Variants in ATP2C1 observed in about 807,000 individuals in gnomAD.
ATP2C1 encodes the protein ATPase secretory pathway Ca2+ transporting 1.
Under a neutral mutation model 120.5 loss-of-function variants are expected in ATP2C1, and 31 were observed. That is an observed-to-expected ratio of 0.26 (90% CI 0.19 to 0.35). ATP2C1 has a LOEUF of 0.35. Ranked by LOEUF, ATP2C1 falls within the 10% of genes least tolerant of loss-of-function variation. The pLI, the probability that ATP2C1 is intolerant of heterozygous loss-of-function variation, is 1.00. For missense variants in ATP2C1, 731 were observed against 1,107.5 expected (o/e 0.66, Z 4.83); for synonymous variants, 351 against 358.7 (o/e 0.98, Z 0.24).
At chr3:130,875,642 C>G (rs1439435986) in intron 1 of ATP2C1, among the ~76,000 whole-genome samples, 3 of 151,926 alleles carry the variant, frequency 2.0e-5, no homozygotes, top group African/African-American at 7.2e-5. Flanking sequence ...GGATAGGTAC[C>G]CGGTAGTGCT....
In ATP2C1 at chr3:130,937,440, G is replaced by A. The variant is rs142366167; in HGVS notation, c.337G>A (p.Val113Ile). Residue 113 changes from valine to isoleucine, a missense_variant, in exon 6 of 28, where the codon GTT (valine) becomes ATT (isoleucine). Physicochemically the swap from Val to Ile is conservative, Grantham distance 29. Coordinates refer to ENST00000510168, the MANE Select transcript of ATP2C1 (RefSeq NM_001378687.1). ...AVSITVAILI[V>I]VTVAFVQEYR... ...TTCTTTTGTTTAGGCAATACTTATC[G>A]TTGTTACAGTTGCCTTTGTTCAGGT... is the stretch of plus-strand genomic sequence containing the variant. 6.2e-7 allele frequency: 1 copy of A among 1,613,650 alleles called. No homozygotes were observed.
chr3:130,925,354 T>C (rs903276856), intron 2 of ATP2C1, among the ~76,000 whole-genome samples: 5 of 152,218 alleles, frequency 3.3e-5, no homozygotes, highest in African/African-American at 9.6e-5. Flanking sequence ...CTTCTGGGTC[T>C]AGCCACCCAG....
intron 2 of ATP2C1, chr3:130,918,451 C>G: frequency 2.3e-6 from 2 of 859,466 alleles, no homozygotes; most frequent in Non-Finnish European, 4.0e-6. Flanking sequence ...GAACACTTCT[C>G]AGCACCTCTG....
At chr3:130,918,300 A>G (rs2108218175) in intron 2 of ATP2C1, 1 of 1,558,248 alleles carries the variant, frequency 6.4e-7, no homozygotes, top group Non-Finnish European at 8.8e-7. Flanking sequence ...CACCCTTTAC[A>G]ATAGATTTCA....
intron 27 of ATP2C1, 39 bp from the exon 28 acceptor site, chr3:131,001,181 T>C: frequency 6.3e-7 from 1 of 1,588,588 alleles, no homozygotes; most frequent in Middle Eastern, 1.7e-4. Context: ...AACTGTAAGT[T>C]TCAAAGAAAT....
chr3:130,954,423 A>G (rs1006317185), intron 9 of ATP2C1, among the ~76,000 whole-genome samples: 14 of 152,332 alleles, frequency 9.2e-5, no homozygotes, highest in Non-Finnish European at 1.6e-4. Flanking sequence ...CCTATTGAGT[A>G]TAATACATGT....
At chr3:130,995,357 G>A (rs2062562076) in intron 22 of ATP2C1, among the ~76,000 whole-genome samples, 1 of 151,670 alleles carries the variant, frequency 6.6e-6, no homozygotes, top group Non-Finnish European at 1.5e-5. Context: ...GAGGCTGCAG[G>A]TAAGTCAAGG....
chr3:130,954,525 G>A (rs218493), intron 9 of ATP2C1, among the ~76,000 whole-genome samples: 68,311 of 151,976 alleles, frequency 0.45, 18,196 homozygotes, highest in Middle Eastern at 0.63. Flanking sequence ...TCACTTTGTC[G>A]TCCAGGCTGG....
chr3:130,936,130 T>C (rs959433870), intron 5 of ATP2C1, among the ~76,000 whole-genome samples: 2 of 152,188 alleles, frequency 1.3e-5, no homozygotes, highest in African/African-American at 4.8e-5. Context: ...TTGTATGCAC[T>C]CTTATGGGCT....
Position 131,001,324 on chromosome 3 carries a change from ACAT to A in ATP2C1, c.2742_2744del (p.Ser915del), listed in dbSNP as rs1348352000. The A allele has an allele frequency of 1.9e-6, 3 of 1,613,554 alleles. No homozygotes were observed. The highest frequency in any genetic ancestry group is 1.7e-5 in the Admixed American group (1 of 59,996). On this transcript the variant is annotated inframe_deletion, in exon 28 of 28. Transcript: ENST00000510168. ...AAAGATCCAGAAGCATGTTAGTTCG[ACAT>A]CATCATCTTTTCTTGAAGTATGATG... is the stretch of plus-strand genomic sequence containing the variant.
intron 26 of ATP2C1, chr3:131,014,035 C>G (rs2063452496): frequency 2.7e-6 from 4 of 1,487,388 alleles, no homozygotes; most frequent in Non-Finnish European, 3.6e-6. Context: ...TTAAATACAT[C>G]TAGTTTGATG....
intron 1 of ATP2C1, among the ~76,000 whole-genome samples, chr3:130,888,905 C>A (rs1251584688): frequency 6.6e-6 from 1 of 152,214 alleles, no homozygotes; most frequent in African/African-American, 2.4e-5. Context: ...ATCAATGGTA[C>A]AGGCTTCTAT....
chr3:130,954,571 C>A, intron 9 of ATP2C1, among the ~76,000 whole-genome samples: 1 of 152,092 alleles, frequency 6.6e-6, no homozygotes, highest in East Asian at 1.9e-4. Flanking sequence ...CTACAACCTT[C>A]ACCTTCCAGG....
chr3:130,892,257 T>G (rs2069198252), upstream of ATP2C1, among the ~76,000 whole-genome samples: 2 of 152,250 alleles, frequency 1.3e-5, no homozygotes, highest in Admixed American at 1.3e-4. Context: ...TATGTTAATA[T>G]CAAAGTATTT....
At chr3:130,976,032 C>T (rs374734048) in intron 18 of ATP2C1, among the ~76,000 whole-genome samples, 5 of 152,036 alleles carry the variant, frequency 3.3e-5, no homozygotes, top group East Asian at 3.9e-4. Flanking sequence ...GTGTAAGACT[C>T]GGGGGTTGGT....
intron 18 of ATP2C1, 117 bp downstream of exon 18, chr3:130,975,605 C>G: frequency 8.1e-7 from 1 of 1,234,390 alleles, no homozygotes; most frequent in South Asian, 1.3e-5. Flanking sequence ...TTGTAGAACC[C>G]TTGCCAGTAT....
Position 130,930,521 on chromosome 3 carries a change from C to G in ATP2C1, c.112C>G (p.Leu38Val), listed in dbSNP as rs762674593. Residue 38 changes from leucine (L) to valine (V), a missense_variant, in exon 3 of 28, where the codon CTC becomes GTC. Around this residue, in one of 3 missense-constraint regions of ATP2C1, gnomAD observed 571 missense variants for 845.9 expected, o/e 0.67. Transcript: ENST00000510168. ...ELPVSEVASI[L>V]QADLQNGLNK... Reference sequence around the variant, plus strand: ...ACCAGTCAGTGAAGTTGCAAGCATTCTCCAAGTAAGTGGTTAGTGGGGAGG... The same window carrying G: ...ACCAGTCAGTGAAGTTGCAAGCATTGTCCAAGTAAGTGGTTAGTGGGGAGG... 1.9e-6 allele frequency: 3 copies of G among 1,600,796 alleles called. No individual in the cohort carries two copies. Among genetic ancestry groups the G allele is most frequent in the Non-Finnish European group, 2.6e-6 (3 of 1,167,980 alleles).
intron 17 of ATP2C1, among the ~76,000 whole-genome samples, chr3:130,973,433 A>G (rs752592519): frequency 5.3e-5 from 8 of 152,176 alleles, no homozygotes; most frequent in Non-Finnish European, 1.2e-4. Flanking sequence ...GCCCAGCGGG[A>G]TACATTCCAA....
At chr3:130,974,576 C>G (rs555317045) in intron 17 of ATP2C1, among the ~76,000 whole-genome samples, 1 of 152,068 alleles carries the variant, frequency 6.6e-6, no homozygotes, top group Non-Finnish European at 1.5e-5. Flanking sequence ...ATAGTCATTA[C>G]CACACTTGGC....
Sources: gnomAD v4.1 joint callset for allele counts (sites outside exome capture counted in the v4.1 genomes callset) on GRCh38, gnomAD v4.1.1 for gene constraint, gnomAD v4.1.1 regional missense constraint, MANE v1.5 for transcripts, NCBI Gene and HGNC (gene_info 2026-07-23, HGNC 2026-07-21) for gene names.